The following CLASP2 variants were observed in gnomAD, a reference collection of about 807,000 sequenced individuals.
CLASP2 encodes cytoplasmic linker associated protein 2, also known as CLIP-associating protein 2.
A neutral mutation model predicts 194.4 loss-of-function variants in CLASP2; 47 were observed. The observed-to-expected ratio is 0.24, with a 90% CI of 0.19 to 0.31. The LOEUF is 0.31. Ranked by LOEUF, CLASP2 falls within the 10% of genes least tolerant of loss-of-function variation. CLASP2 has a pLI of 1.00. For synonymous variants in CLASP2, 619 were observed against 633.5 expected (o/e 0.98, Z 0.34); for missense variants, 1,445 against 1,823.6 (o/e 0.79, Z 3.78).
chr3:33,501,400 A>G (rs764592723), intron 38 of CLASP2, among the ~76,000 whole-genome samples: 1 of 152,158 alleles, frequency 6.6e-6, no homozygotes, highest in Non-Finnish European at 1.5e-5. Flanking sequence ...AAATAACCAG[A>G]AGCTGCAGGC....
intron 7 of CLASP2, among the ~76,000 whole-genome samples, chr3:33,656,733 T>C (rs1239060278): frequency 1.3e-5 from 2 of 152,192 alleles, no homozygotes; most frequent in Admixed American, 6.5e-5. Context: ...CAAATTTCTA[T>C]AGAAGACAAA....
At chr3:33,575,090 G>C (rs1379083931) in intron 24 of CLASP2, among the ~76,000 whole-genome samples, 1 of 151,984 alleles carries the variant, frequency 6.6e-6, no homozygotes, top group Admixed American at 6.6e-5. Flanking sequence ...TGAGATACAG[G>C]GATGAGGAAT....
intron 1 of CLASP2, among the ~76,000 whole-genome samples, chr3:33,706,033 AC>A (rs1261344384): frequency 6.6e-6 from 1 of 152,114 alleles, no homozygotes; most frequent in Admixed American, 6.5e-5. Context: ...TGGAAGCATC[AC>A]CTGAGCCCAG....
intron 26 of CLASP2, among the ~76,000 whole-genome samples, chr3:33,569,780 T>G (rs2063406702): frequency 1.3e-5 from 2 of 152,178 alleles, no homozygotes; most frequent in Admixed American, 1.3e-4. Context: ...ATTTAAATAA[T>G]TAAGTATATC....
intron 30 of CLASP2, chr3:33,545,122 T>C: frequency 4.4e-6 from 1 of 227,086 alleles, no homozygotes. Context: ...AGGGTTACTC[T>C]GTTACATACT....
chr3:33,535,085 A>T (rs2057083090), intron 34 of CLASP2, 148 bp downstream of exon 34: 2 of 595,960 alleles, frequency 3.4e-6, no homozygotes, highest in Non-Finnish European at 5.9e-6. Flanking sequence ...AGCACTAGAG[A>T]TGAGTTCCTA....
chr3:33,639,123 T>TC (rs2080799457), intron 8 of CLASP2, among the ~76,000 whole-genome samples: 1 of 152,130 alleles, frequency 6.6e-6, no homozygotes, highest in East Asian at 1.9e-4. Flanking sequence ...AGTGGTGTGA[T>TC]CACGGTGCAC....
At chr3:33,670,476 G>T (rs1200390720) in intron 6 of CLASP2, among the ~76,000 whole-genome samples, 1 of 152,134 alleles carries the variant, frequency 6.6e-6, no homozygotes, top group African/African-American at 2.4e-5. Context: ...ATTTCCATAT[G>T]TAAGAAGCTT....
chr3:33,624,116 TAA>T (rs1373433272), intron 10 of CLASP2, among the ~76,000 whole-genome samples: 2 of 152,130 alleles, frequency 1.3e-5, no homozygotes, highest in African/African-American at 4.8e-5. Flanking sequence ...ACTACATTGA[TAA>T]AAAGAGATAC....
At chr3:33,571,015 A>ATTTTATTTTTTTTTTTTTTTT (rs2063632071) in intron 25 of CLASP2, among the ~76,000 whole-genome samples, 2 of 123,942 alleles carry the variant, frequency 1.6e-5, no homozygotes, top group Non-Finnish European at 3.4e-5. Flanking sequence ...GTCTCTATAA[A>ATTTTATTTTTTTTTTTTTTTT]TTTTTTTTTT....
intron 25 of CLASP2, among the ~76,000 whole-genome samples, chr3:33,572,766 C>T (rs1409500701): frequency 6.6e-6 from 1 of 151,900 alleles, no homozygotes; most frequent in Non-Finnish European, 1.5e-5. Context: ...GAAAAACTTA[C>T]CAGAAATAAA....
chr3:33,710,837 A>G (rs2092966950), intron 1 of CLASP2, among the ~76,000 whole-genome samples: 1 of 152,156 alleles, frequency 6.6e-6, no homozygotes, highest in South Asian at 2.1e-4. Flanking sequence ...CTGGAGGCTG[A>G]GGCAGGAGAA....
chr3:33,685,573 A>G (rs1171156652), intron 5 of CLASP2, among the ~76,000 whole-genome samples: 4 of 152,186 alleles, frequency 2.6e-5, no homozygotes, highest in Non-Finnish European at 4.4e-5. Flanking sequence ...ATCCACAGAT[A>G]AATGGATAAA....
intron 16 of CLASP2, among the ~76,000 whole-genome samples, chr3:33,605,536 C>A (rs1185136462): frequency 6.6e-6 from 1 of 152,144 alleles, no homozygotes; most frequent in Non-Finnish European, 1.5e-5. Flanking sequence ...CCTCACTTGC[C>A]TCACCCTGGT....
At chr3:33,508,425 G>T (rs1397194403) in intron 37 of CLASP2, among the ~76,000 whole-genome samples, 1 of 152,102 alleles carries the variant, frequency 6.6e-6, no homozygotes, top group Non-Finnish European at 1.5e-5. Flanking sequence ...CTACCTCCCG[G>T]GTTCACGCCA....
intron 12 of CLASP2, among the ~76,000 whole-genome samples, chr3:33,614,218 G>A (rs972299314): frequency 3.9e-5 from 6 of 152,090 alleles, no homozygotes; most frequent in Non-Finnish European, 7.4e-5. Context: ...TGAAAACAAA[G>A]TATAAAGAGT....
intron 10 of CLASP2, among the ~76,000 whole-genome samples, chr3:33,623,353 T>C (rs994175517): frequency 1.3e-5 from 2 of 152,170 alleles, no homozygotes; most frequent in Admixed American, 6.5e-5. Context: ...TGCCTAACAC[T>C]GGATCTTATT....
At chr3:33,630,889 C>T (rs149233919) in intron 9 of CLASP2, among the ~76,000 whole-genome samples, 2 of 152,162 alleles carry the variant, frequency 1.3e-5, no homozygotes, top group Non-Finnish European at 2.9e-5. Context: ...CAACACTAAT[C>T]TTTCCCTTAT....
At chr3:33,574,496 G>T in intron 24 of CLASP2, 1 of 1,506,616 alleles carries the variant, frequency 6.6e-7, no homozygotes, top group Non-Finnish European at 8.9e-7. Context: ...TCTCCTAAGA[G>T]CTGAGAGCAG....
Sources: gnomAD v4.1 joint callset for allele counts (sites outside exome capture counted in the v4.1 genomes callset) on GRCh38, gnomAD v4.1.1 for gene constraint, MANE v1.5 for transcripts, NCBI Gene and HGNC (gene_info 2026-07-23, HGNC 2026-07-21) for gene names.